KCNIP4: variants seen among roughly 807,000 people sequenced by gnomAD.
The protein encoded by KCNIP4 is potassium voltage-gated channel interacting protein 4.
KCNIP4 carries 12 observed loss-of-function variants against 34.0 expected under a neutral mutation model. That is an observed-to-expected ratio of 0.35 (90% CI 0.23 to 0.57). KCNIP4 has a LOEUF of 0.57. KCNIP4 is among the 20% of genes least tolerant of loss of function. The pLI, the probability that KCNIP4 is intolerant of heterozygous loss-of-function variation, is 0.83. For missense variants in KCNIP4, 238 were observed against 311.7 expected (o/e 0.76, Z 1.78); for synonymous variants, 124 against 102.2 (o/e 1.21, Z -1.29).
chr4:21,198,833 C>T (rs1383320137), intron 1 of KCNIP4, among the ~76,000 whole-genome samples: 1 of 152,172 alleles, frequency 6.6e-6, no homozygotes, highest in Non-Finnish European at 1.5e-5. Context: ...CTGCATCAGC[C>T]TCCAGGAGGG....
intron 1 of KCNIP4, among the ~76,000 whole-genome samples, chr4:21,571,095 A>C (rs1740332950): frequency 6.6e-6 from 1 of 152,124 alleles, no homozygotes; most frequent in Non-Finnish European, 1.5e-5. Flanking sequence ...CTCAAGTGCC[A>C]CCTGGCAGCT....
chr4:20,822,240 C>A (rs577482605), intron 3 of KCNIP4, among the ~76,000 whole-genome samples: 1 of 152,080 alleles, frequency 6.6e-6, no homozygotes, highest in South Asian at 2.1e-4. Context: ...ATAATCCCAT[C>A]AAAAAGCAGG....
At chr4:21,929,454 T>C (rs1729442361) in intron 1 of KCNIP4, among the ~76,000 whole-genome samples, 1 of 152,102 alleles carries the variant, frequency 6.6e-6, no homozygotes, top group Non-Finnish European at 1.5e-5. Context: ...GCCAATTGCA[T>C]CATGTGTCTA....
chr4:21,369,941 C>A (rs1720167698), intron 1 of KCNIP4, among the ~76,000 whole-genome samples: 1 of 146,150 alleles, frequency 6.8e-6, no homozygotes, highest in Admixed American at 6.6e-5. Context: ...CATTCTCCTG[C>A]CTCAGCCTCC....
intron 1 of KCNIP4, among the ~76,000 whole-genome samples, chr4:20,895,015 G>A (rs1726350836): frequency 6.6e-6 from 1 of 152,198 alleles, no homozygotes; most frequent in African/African-American, 2.4e-5. Context: ...AGAGGAAATT[G>A]ATGGTAAAGA....
intron 4 of KCNIP4, chr4:20,752,810 G>A (rs1037300984): frequency 4.6e-5 from 7 of 152,152 alleles, no homozygotes; most frequent in Non-Finnish European, 7.3e-5. Context: ...ATAAAATGAC[G>A]AAAAGAGAAA....
chr4:21,105,171 A>G (rs987763307), intron 1 of KCNIP4, among the ~76,000 whole-genome samples: 1 of 151,602 alleles, frequency 6.6e-6, no homozygotes, highest in Non-Finnish European at 1.5e-5. Flanking sequence ...CATTGAATCT[A>G]TAAATTACCT....
rs549666244 is a variant in KCNIP4 at position 21,543,931 on chromosome 4, C to G, written c.61+404640G>C. Among the ~76,000 whole-genome samples, 11 of 152,180 alleles carry G rather than the reference C, an allele frequency of 7.2e-5. No individual in the cohort carries two copies. The South Asian group carries it at 2.3e-3, about 32-fold the overall frequency. ...AAATTGGAAAGGAAATAAAAATAAC[C>G]TTTATGGATAAGAAAACGAACCATA... On this transcript the variant is annotated intron_variant, in intron 1 of 8. Transcript: ENST00000382152.
intron 1 of KCNIP4, among the ~76,000 whole-genome samples, chr4:21,455,624 G>GT (rs1193044315): frequency 1.6e-5 from 2 of 127,406 alleles, no homozygotes; most frequent in Non-Finnish European, 3.6e-5. Flanking sequence ...AGAAACTGAA[G>GT]GTTTTTTTTT....
intron 1 of KCNIP4, among the ~76,000 whole-genome samples, chr4:21,033,914 G>T (rs1352637293): frequency 6.6e-6 from 1 of 152,146 alleles, no homozygotes; most frequent in Non-Finnish European, 1.5e-5. Context: ...AGGTTCTGAA[G>T]AAAACCGCAT....
At chr4:21,237,523 C>T (rs984870208) in intron 1 of KCNIP4, among the ~76,000 whole-genome samples, 32 of 151,930 alleles carry the variant, frequency 2.1e-4, no homozygotes, top group African/African-American at 6.8e-4. Flanking sequence ...ATCAAATACA[C>T]GCAATAAAAA....
rs577018869 is a variant in KCNIP4 at position 21,186,951 on chromosome 4, T to C, written c.62-304242A>G. ...CACTGGGCCCAGCTCAATCTTTTTATTTAATAGCCCAACTTCACAGGATTT... is the reference window on the plus strand; with the variant it reads ...CACTGGGCCCAGCTCAATCTTTTTACTTAATAGCCCAACTTCACAGGATTT... On this transcript the variant is annotated intron_variant, in intron 1 of 8. Coordinates refer to ENST00000382152, the MANE Select transcript of KCNIP4 (RefSeq NM_025221.6). 2.0e-5 allele frequency among the ~76,000 whole-genome samples: 3 copies of C among 152,322 alleles called. No homozygotes were observed. The South Asian group carries it at 6.2e-4, about 32-fold the overall frequency.
intron 1 of KCNIP4, among the ~76,000 whole-genome samples, chr4:21,290,467 A>G (rs1253587180): frequency 2.0e-5 from 3 of 152,206 alleles, no homozygotes; most frequent in African/African-American, 4.8e-5. Flanking sequence ...GAAAAATGTC[A>G]CTGTGTGTAT....
At chr4:21,938,120 C>T (rs752836566) in intron 1 of KCNIP4, among the ~76,000 whole-genome samples, 5 of 152,094 alleles carry the variant, frequency 3.3e-5, no homozygotes, top group Non-Finnish European at 5.9e-5. Flanking sequence ...GTTCTCCCTG[C>T]CTGAAACATT....
intron 1 of KCNIP4, among the ~76,000 whole-genome samples, chr4:21,041,063 T>C (rs1334367437): frequency 2.0e-5 from 3 of 152,102 alleles, no homozygotes; most frequent in African/African-American, 7.2e-5. Flanking sequence ...CAACATCCCT[T>C]TCACATCTAC....
chr4:21,043,880 T>C lies in KCNIP4; in HGVS notation c.62-161171A>G, dbSNP rs548369166. On this transcript the variant is annotated intron_variant, in intron 1 of 8. Transcript: ENST00000382152. ...AAAAGAATCAGAACCTCAAATCTAT[T>C]GAACACTGAAGCTACTGTATGTCAC... is the stretch of plus-strand genomic sequence containing the variant. Among the ~76,000 whole-genome samples the C allele has an allele frequency of 2.1e-4, 32 of 152,300 alleles. 1 individual carries two copies. The East Asian group carries it at 6.0e-3, about 28-fold the overall frequency.
At chr4:21,032,125 T>A (rs1228513660) in intron 1 of KCNIP4, among the ~76,000 whole-genome samples, 5 of 152,148 alleles carry the variant, frequency 3.3e-5, no homozygotes, top group Admixed American at 2.0e-4. Flanking sequence ...GTATCCTCTG[T>A]GTAACTGTCC....
At chr4:21,741,271 A>C (rs1450230935) in intron 1 of KCNIP4, among the ~76,000 whole-genome samples, 2 of 152,200 alleles carry the variant, frequency 1.3e-5, no homozygotes, top group Non-Finnish European at 2.9e-5. Context: ...TTTCTATGAA[A>C]TAAGTTGGTG....
intron 1 of KCNIP4, among the ~76,000 whole-genome samples, chr4:21,092,885 G>A (rs1382974676): frequency 1.3e-5 from 2 of 152,152 alleles, no homozygotes; most frequent in Admixed American, 6.5e-5. Context: ...CAGACAGGTG[G>A]ACCAACATGA....
Sources: gnomAD v4.1 joint callset for allele counts (sites outside exome capture counted in the v4.1 genomes callset) on GRCh38, gnomAD v4.1.1 for gene constraint, MANE v1.5 for transcripts, NCBI Gene and HGNC (gene_info 2026-07-23, HGNC 2026-07-21) for gene names.